KIF6: variants seen among roughly 807,000 people sequenced by gnomAD.
KIF6 encodes kinesin-like protein KIF6.
A neutral mutation model predicts 112.7 loss-of-function variants in KIF6; 106 were observed. The observed-to-expected ratio is 0.94, with a 90% CI of 0.80 to 1.11. The LOEUF is 1.11. Ranked by LOEUF, KIF6 falls within the 50% of genes least tolerant of loss-of-function variation. The pLI is 0.00. For synonymous variants in KIF6, 339 were observed against 339.9 expected, an observed-to-expected ratio of 1.00 and a Z score of 0.03; for missense variants, 929 against 964.0, an observed-to-expected ratio of 0.96 and a Z score of 0.48.
rs763851375 is a variant in KIF6, at chr6:39,343,982, T to C, written c.2322-167A>G. 6.6e-6 allele frequency among the ~76,000 whole-genome samples: 1 copy of C among 152,192 alleles called. No individual in the cohort carries two copies. Among genetic ancestry groups the C allele is most frequent in the Non-Finnish European group, 1.5e-5 (1 of 68,028 alleles). ...TACCTTCTCTGTGTGGCAGCCACACTAAGCCTCTTGTCATGCAAATTGGGT... is the reference window on the plus strand; with the variant it reads ...TACCTTCTCTGTGTGGCAGCCACACCAAGCCTCTTGTCATGCAAATTGGGT... On this transcript the variant is annotated intron_variant, in intron 21 of 22. Coordinates refer to ENST00000287152, the MANE Select transcript of KIF6 (RefSeq NM_145027.6). This position sits in a 1 kb window ranked among gnomAD's most constrained non-coding sequence, Gnocchi z 4.1.
At chr6:39,544,735 C>A in intron 11 of KIF6, 42 bp from the exon 12 acceptor site, 2 of 1,269,950 alleles carry the variant, frequency 1.6e-6, no homozygotes, top group Non-Finnish European at 2.2e-6. Flanking sequence ...ATCTCTAGTC[C>A]AAATTTCTTT....
intron 13 of KIF6, among the ~76,000 whole-genome samples, chr6:39,435,482 A>G (rs1771457030): frequency 6.6e-6 from 1 of 152,152 alleles, no homozygotes; most frequent in African/African-American, 2.4e-5. Flanking sequence ...TCCTCACCTG[A>G]ATAGTGTACA....
rs577159408 is a variant in KIF6, at chr6:39,563,380, C to T, written c.1181+14676G>A. ...ATATATTTATCATCTATGTACATAG[C>T]ATATACATACATGTGTATTTTTCAT... On this transcript the variant is annotated intron_variant, in intron 10 of 22. Coordinates refer to ENST00000287152, the MANE Select transcript of KIF6 (RefSeq NM_145027.6). Among the ~76,000 whole-genome samples, 6 of 152,230 alleles carry T rather than the reference C, an allele frequency of 3.9e-5. No homozygotes were observed. The South Asian group carries it at 1.0e-3, about 26-fold the overall frequency.
chr6:39,609,558 C>A (rs1783094042), intron 6 of KIF6, among the ~76,000 whole-genome samples: 1 of 152,138 alleles, frequency 6.6e-6, no homozygotes, highest in African/African-American at 2.4e-5. Flanking sequence ...ATCAATCAGA[C>A]CTAACCTAAC....
intron 1 of KIF6, among the ~76,000 whole-genome samples, chr6:39,723,833 T>C (rs1160347316): frequency 2.0e-5 from 3 of 152,116 alleles, no homozygotes; most frequent in Non-Finnish European, 4.4e-5. Context: ...CCACGGCACG[T>C]GTATACCTAC....
intron 6 of KIF6, among the ~76,000 whole-genome samples, chr6:39,596,723 A>T (rs1782288847): frequency 1.3e-5 from 2 of 152,208 alleles, no homozygotes; most frequent in African/African-American, 4.8e-5. Flanking sequence ...TGGAGGCCCT[A>T]GACAATACAA....
At chr6:39,508,143 GT>G (rs891515831) in intron 13 of KIF6, among the ~76,000 whole-genome samples, 2 of 151,794 alleles carry the variant, frequency 1.3e-5, no homozygotes, top group African/African-American at 4.8e-5. Context: ...AGTTCACAAA[GT>G]GTGGTCCATG....
intron 15 of KIF6, among the ~76,000 whole-genome samples, chr6:39,412,809 C>A (rs77037315): frequency 0.019 from 2,865 of 152,248 alleles, 79 homozygotes; most frequent in African/African-American, 0.06. Context: ...AGCCCCCTTG[C>A]CTCCATGTTC....
intron 9 of KIF6, among the ~76,000 whole-genome samples, chr6:39,584,520 T>C (rs927140172): frequency 6.8e-6 from 1 of 147,038 alleles, no homozygotes; most frequent in Non-Finnish European, 1.5e-5. Context: ...GTTCTGCATA[T>C]AGATGTAATC....
chr6:39,624,726 A>G (rs1784001077), intron 5 of KIF6, among the ~76,000 whole-genome samples: 1 of 152,212 alleles, frequency 6.6e-6, no homozygotes, highest in Admixed American at 6.5e-5. Context: ...TTTTCCTGTC[A>G]TTAATTCATG....
intron 20 of KIF6, 177 bp downstream of exon 20, chr6:39,346,299 A>G (rs953774998): frequency 5.8e-6 from 4 of 694,812 alleles, no homozygotes; most frequent in Non-Finnish European, 1.0e-5. Flanking sequence ...CCTAATCTCC[A>G]ATGTAATGGT....
In KIF6 at chr6:39,596,053, C is replaced by T; in HGVS notation, c.846+1G>A. ...AATACATCCCACTCTGCCCATTTTA[C>T]CTGTTCTAAGTAATGTAGTGACAAG... On this transcript the variant is annotated splice_donor_variant, in intron 7 of 22. Transcript: ENST00000287152. LOFTEE classifies it high-confidence loss of function. The T allele has an allele frequency of 3.1e-6, 5 of 1,612,070 alleles. No homozygotes were observed. Among genetic ancestry groups the T allele is most frequent in the Non-Finnish European group, 4.2e-6 (5 of 1,178,312 alleles).
chr6:39,723,682 G>C (rs539448610), intron 1 of KIF6, among the ~76,000 whole-genome samples: 1 of 152,260 alleles, frequency 6.6e-6, no homozygotes, highest in African/African-American at 2.4e-5. Context: ...CTCATAAGTG[G>C]GAGCTGAACA....
chr6:39,336,626 G>A (rs1327313297), intron 22 of KIF6, 78 bp from the exon 23 acceptor site: 1 of 1,351,774 alleles, frequency 7.4e-7, no homozygotes, highest in African/African-American at 1.4e-5. Context: ...TCGGGGGGAG[G>A]GGAGGCCACC....
intron 6 of KIF6, among the ~76,000 whole-genome samples, chr6:39,602,197 A>C (rs1782618585): frequency 6.6e-6 from 1 of 152,156 alleles, no homozygotes; most frequent in African/African-American, 2.4e-5. Context: ...TGTATCAAAA[A>C]TATTAGCTTG....
rs1413807640 is a variant in KIF6 at position 39,342,782 on chromosome 6, C to T, written c.2428+927G>A. The T allele has an allele frequency of 2.6e-5, 26 of 985,072 alleles. No individual in the cohort carries two copies. Among genetic ancestry groups the T allele is most frequent in the East Asian group, 2.3e-4 (2 of 8,818 alleles). 61.0% of individuals were successfully genotyped at this position (985,072 alleles called of 1,614,324 possible). ...TAAGCAGGCTGGCGGCCAAGCAAGG[C>T]GAGTACAGGACCAAGGCCGGCTCTC... On this transcript the variant is annotated intron_variant, in intron 22 of 22. Coordinates refer to ENST00000287152, the MANE Select transcript of KIF6 (RefSeq NM_145027.6). The surrounding 1 kb of genome is among the most constrained non-coding windows in gnomAD (Gnocchi z 4.7).
chr6:39,486,395 T>A (rs1262389924), intron 13 of KIF6, among the ~76,000 whole-genome samples: 1 of 152,170 alleles, frequency 6.6e-6, no homozygotes, highest in East Asian at 1.9e-4. Flanking sequence ...GGATGGGCCA[T>A]CTGGGGCCCT....
intron 3 of KIF6, among the ~76,000 whole-genome samples, chr6:39,659,062 C>T (rs980060383): frequency 3.3e-5 from 5 of 152,168 alleles, no homozygotes; most frequent in Non-Finnish European, 7.3e-5. Context: ...TATTAAATAG[C>T]TCTGTCAAGA....
chr6:39,454,757 AC>A, intron 13 of KIF6, among the ~76,000 whole-genome samples: 1 of 152,158 alleles, frequency 6.6e-6, no homozygotes, highest in East Asian at 1.9e-4. Flanking sequence ...GAAAGGGATG[AC>A]GGACGCACCT....
Sources: allele counts gnomAD v4.1 joint callset (sites outside exome capture counted in the v4.1 genomes callset), GRCh38; gene constraint gnomAD v4.1.1; non-coding constraint Gnocchi (gnomAD v3.1); transcripts MANE v1.5; gene names NCBI Gene and HGNC (gene_info 2026-07-23, HGNC 2026-07-21).